HERPUD2: variants seen among roughly 807,000 people sequenced by gnomAD.
HERPUD2 encodes homocysteine-responsive endoplasmic reticulum-resident ubiquitin-like domain member 2 protein.
In HERPUD2, 13 loss-of-function variants were observed where a neutral mutation model predicts 49.9. That is an observed-to-expected ratio of 0.26 (90% CI 0.17 to 0.41). HERPUD2 has a LOEUF of 0.41. Among genes scored for constraint, HERPUD2 ranks in the 10% least tolerant of loss-of-function variants. The pLI, the probability that HERPUD2 is intolerant of heterozygous loss-of-function variation, is 1.00. For missense variants in HERPUD2, 449 were observed against 492.2 expected (o/e 0.91, Z 0.83); for synonymous variants, 172 against 171.4 (o/e 1.00, Z -0.03).
At chr7:35,635,550 T>C (rs1784858145) in intron 6 of HERPUD2, 92 bp from the exon 7 acceptor site, 4 of 1,046,712 alleles carry the variant, frequency 3.8e-6, no homozygotes, top group Non-Finnish European at 5.4e-6. Context: ...TATGTATTTT[T>C]CATAAACCTA....
intron 2 of HERPUD2, among the ~76,000 whole-genome samples, chr7:35,687,937 T>C (rs1332473100): frequency 6.6e-6 from 1 of 152,204 alleles, no homozygotes; most frequent in Non-Finnish European, 1.5e-5. Flanking sequence ...GTTCCTAGTA[T>C]ATCCAACTTC....
chr7:35,642,945 C>G (rs1303138109), intron 5 of HERPUD2, among the ~76,000 whole-genome samples: 1 of 152,136 alleles, frequency 6.6e-6, no homozygotes, highest in Non-Finnish European at 1.5e-5. Context: ...ACCGTGTACC[C>G]GTGAACCCAA....
chr7:35,657,923 A>G (rs1785317313), intron 5 of HERPUD2, among the ~76,000 whole-genome samples: 1 of 148,508 alleles, frequency 6.7e-6, no homozygotes, highest in African/African-American at 2.5e-5. Context: ...CTCTGTCTCA[A>G]AAAAAAAAAA....
At chr7:35,654,877 T>TA (rs1406177537) in intron 5 of HERPUD2, among the ~76,000 whole-genome samples, 3 of 145,632 alleles carry the variant, frequency 2.1e-5, no homozygotes, top group Non-Finnish European at 4.5e-5. Flanking sequence ...TTATTTGAGA[T>TA]AGAGTCTCAC....
intron 2 of HERPUD2, among the ~76,000 whole-genome samples, chr7:35,679,728 T>G (rs1785839248): frequency 6.6e-6 from 1 of 152,186 alleles, no homozygotes; most frequent in Non-Finnish European, 1.5e-5. Context: ...AGACCCAGAT[T>G]CATATACCCA....
At chr7:35,635,564 T>C (rs1784858640) in intron 6 of HERPUD2, 106 bp from the exon 7 acceptor site, 3 of 900,950 alleles carry the variant, frequency 3.3e-6, no homozygotes, top group Admixed American at 2.9e-5. Context: ...AAACCTAATA[T>C]GGAATATCCC....
At chr7:35,664,159 G>T (rs1326166443) in intron 5 of HERPUD2, among the ~76,000 whole-genome samples, 3 of 152,144 alleles carry the variant, frequency 2.0e-5, no homozygotes, top group Non-Finnish European at 2.9e-5. Flanking sequence ...ATGAAGCTGA[G>T]TTTGGCTGAA....
chr7:35,637,138 A>AAAAGAAAGAAAG (rs376749984), intron 6 of HERPUD2, among the ~76,000 whole-genome samples: 1,873 of 135,680 alleles, frequency 0.014, 19 homozygotes, highest in Non-Finnish European at 0.017. Context: ...GTCTCAAAAA[A>AAAAGAAAGAAAG]AAAGAAAGAA....
At chr7:35,678,240 A>ATT (rs1785808097) in intron 2 of HERPUD2, among the ~76,000 whole-genome samples, 1 of 54,444 alleles carries the variant, frequency 1.8e-5, no homozygotes, top group South Asian at 1.1e-3. Flanking sequence ...TCACATTATT[A>ATT]AAAAAAAAAA....
chr7:35,653,296 C>A (rs141509871), intron 5 of HERPUD2, among the ~76,000 whole-genome samples: 140 of 152,168 alleles, frequency 9.2e-4, no homozygotes, highest in Non-Finnish European at 1.7e-3. Flanking sequence ...ACAGATAAAA[C>A]AGACTTTAAT....
chr7:35,655,765 TAA>T (rs1334113609), intron 5 of HERPUD2, among the ~76,000 whole-genome samples: 4 of 152,252 alleles, frequency 2.6e-5, no homozygotes, highest in African/African-American at 4.8e-5. Flanking sequence ...TCTTTGTAGA[TAA>T]AGACTCCACC....
chr7:35,642,493 T>C (rs1359463838), intron 5 of HERPUD2, among the ~76,000 whole-genome samples: 1 of 152,122 alleles, frequency 6.6e-6, no homozygotes, highest in African/African-American at 2.4e-5. Flanking sequence ...CATTCTATCA[T>C]AAAGACATAT....
Position 35,635,434 on chromosome 7 carries a change from G to T in HERPUD2, c.642C>A (p.Ala214=), listed in dbSNP as rs1279749712. 4 of 1,612,354 alleles carry T rather than the reference G, an allele frequency of 2.5e-6. No homozygotes were observed. Among genetic ancestry groups the T allele is most frequent in the Non-Finnish European group, 3.4e-6 (4 of 1,178,746 alleles). The change falls in exon 7 of 9, where the codon GCC becomes GCA. Residue 214 remains alanine, a synonymous_variant. Coordinates refer to ENST00000311350, the MANE Select transcript of HERPUD2 (RefSeq NM_022373.5). The part of the protein sequence containing the change: ...MQYQAAVSAQ[A]TSNVNPTQPT... ...GCTGGGTTGGGTTGACATTTGATGTGGCCTGAGCTGAAACTGCAGCTTGAC... is the reference window on the plus strand; with the variant it reads ...GCTGGGTTGGGTTGACATTTGATGTTGCCTGAGCTGAAACTGCAGCTTGAC...
Position 35,633,490 on chromosome 7 carries a change from T to TAAA in HERPUD2, c.*199_*200insTTT. On this transcript the variant is annotated 3_prime_UTR_variant, in exon 9 of 9. Transcript: ENST00000311350. ...GTTACGCTATGTTCTGTTAGGATCT[T>TAAA]TAAAAAAAAAAAAAAAAAACTCAGA... is the stretch of plus-strand genomic sequence containing the variant. 7 of 405,428 alleles carry TAAA rather than the reference T, an allele frequency of 1.7e-5. No individual in the cohort carries two copies. The highest frequency in any genetic ancestry group is 4.4e-5 in the East Asian group (1 of 22,936). 25.1% of individuals were successfully genotyped at this position (405,428 alleles called of 1,614,324 possible).
At chr7:35,650,491 C>T (rs769281048) in intron 5 of HERPUD2, among the ~76,000 whole-genome samples, 3 of 152,126 alleles carry the variant, frequency 2.0e-5, no homozygotes, top group Non-Finnish European at 4.4e-5. Context: ...TCCTAAGTAG[C>T]TACAGCAAGG....
At position 35,682,306 on chromosome 7, in the gene HERPUD2, TAG is replaced by T. The variant is rs1197191261; in HGVS notation, c.148-9030_148-9029del. Reference sequence around the variant, plus strand: ...ATACACACGTGTGTGTGTGTATATATAGATATATACACATACACACGTGTGTG... The same window carrying T: ...ATACACACGTGTGTGTGTGTATATATATATATACACATACACACGTGTGTG... On this transcript the variant is annotated intron_variant, in intron 2 of 8. Transcript: ENST00000311350. Among the ~76,000 whole-genome samples, 36 of 51,534 alleles carry T rather than the reference TAG, an allele frequency of 7.0e-4. 5 individuals carry two copies. The highest frequency in any genetic ancestry group is 2.4e-3 in the East Asian group (4 of 1,702). The allele number at this position is 51,534 out of a possible 152,430, so 33.8% of individuals were successfully genotyped here.
Position 35,635,377 on chromosome 7 carries a change from A to T in HERPUD2, c.699T>A (p.His233Gln), listed in dbSNP as rs1426016494. 2.2e-5 allele frequency: 35 copies of T among 1,614,006 alleles called. No individual in the cohort carries two copies. The highest frequency in any genetic ancestry group is 2.9e-5 in the Non-Finnish European group (34 of 1,180,018). Reference protein sequence around the residue: ...PTTSQPLNLAHVPGEEPPPAP... With the variant: ...PTTSQPLNLAQVPGEEPPPAP... ...CTGGTGGGGGTTCTTCTCCAGGAAC[A>T]TGTGCCAAATTTAGAGGCTGTGAAG... Residue 233 changes from histidine (H) to glutamine (Q), a missense_variant, in exon 7 of 9, where the codon CAT (histidine) becomes CAA (glutamine). Coordinates refer to ENST00000311350, the MANE Select transcript of HERPUD2 (RefSeq NM_022373.5).
At chr7:35,661,289 G>A (rs370133661) in intron 5 of HERPUD2, among the ~76,000 whole-genome samples, 2 of 152,318 alleles carry the variant, frequency 1.3e-5, no homozygotes, top group East Asian at 3.9e-4. Flanking sequence ...TAGCCTTGTA[G>A]TATAGTTTGA....
intron 2 of HERPUD2, among the ~76,000 whole-genome samples, chr7:35,684,187 C>T (rs1785979656): frequency 1.3e-5 from 2 of 152,056 alleles, no homozygotes; most frequent in Non-Finnish European, 2.9e-5. Flanking sequence ...GAGATCAACA[C>T]CACCCTGGCT....
Sources: gnomAD v4.1 joint callset for allele counts (sites outside exome capture counted in the v4.1 genomes callset) on GRCh38, gnomAD v4.1.1 for gene constraint, MANE v1.5 for transcripts, NCBI Gene and HGNC (gene_info 2026-07-23, HGNC 2026-07-21) for gene names.